The following CSMD1 variants were observed in gnomAD, a reference collection of about 807,000 sequenced individuals.
CSMD1 encodes the protein CUB and sushi domain-containing protein 1.
CSMD1 carries 213 observed loss-of-function variants against 417.5 expected under a neutral mutation model. The ratio of observed to expected loss-of-function variants is 0.51; its 90% CI spans 0.46 to 0.57. CSMD1 has a LOEUF of 0.57. Ranked by LOEUF, CSMD1 falls within the 20% of genes least tolerant of loss-of-function variation. CSMD1 has a pLI of 0.00. For synonymous variants in CSMD1, 2,862 were observed against 1,736.8 expected, an observed-to-expected ratio of 1.65 and a Z score of -16.11; for missense variants, 6,923 against 4,529.7, an observed-to-expected ratio of 1.53 and a Z score of -15.17.
At chr8:3,989,134 G>A (rs1485919150) in intron 5 of CSMD1, among the ~76,000 whole-genome samples, 12 of 152,194 alleles carry the variant, frequency 7.9e-5, no homozygotes, top group African/African-American at 2.4e-4. Context: ...GCTATGTGGG[G>A]CGGGCATTTT....
intron 3 of CSMD1, among the ~76,000 whole-genome samples, chr8:4,298,410 G>C (rs1237777783): frequency 3.9e-5 from 6 of 151,956 alleles, no homozygotes; most frequent in African/African-American, 1.5e-4. Context: ...TACCATACTA[G>C]ACACTAGACT....
chr8:3,039,705 T>A (rs1810960628), intron 50 of CSMD1, among the ~76,000 whole-genome samples: 1 of 152,118 alleles, frequency 6.6e-6, no homozygotes, highest in Non-Finnish European at 1.5e-5. Context: ...AGAAAGGCAT[T>A]TCACAGGCCT....
intron 1 of CSMD1, among the ~76,000 whole-genome samples, chr8:4,651,372 G>C (rs981215169): frequency 3.9e-5 from 6 of 152,132 alleles, no homozygotes; most frequent in African/African-American, 1.4e-4. Flanking sequence ...ATCAGCTCAA[G>C]CAGTGCATTC....
chr8:4,347,854 C>G (rs887190965), intron 3 of CSMD1, among the ~76,000 whole-genome samples: 1 of 149,218 alleles, frequency 6.7e-6, no homozygotes, highest in Admixed American at 6.6e-5. Context: ...CAAAAAAAAA[C>G]AGATCAGAGG....
chr8:4,767,075 A>C (rs1047640930), intron 1 of CSMD1, among the ~76,000 whole-genome samples: 11 of 152,200 alleles, frequency 7.2e-5, no homozygotes, highest in African/African-American at 2.7e-4. Context: ...TGTTATCTAA[A>C]GTACAAATCC....
intron 4 of CSMD1, among the ~76,000 whole-genome samples, chr8:4,007,582 G>A (rs555009718): frequency 6.6e-6 from 1 of 152,076 alleles, no homozygotes; most frequent in Non-Finnish European, 1.5e-5. Context: ...TGCGTGCTGA[G>A]TGCAAAGCAA....
chr8:4,915,820 C>G (rs1458074768), intron 1 of CSMD1, among the ~76,000 whole-genome samples: 1 of 152,220 alleles, frequency 6.6e-6, no homozygotes, highest in Non-Finnish European at 1.5e-5. Flanking sequence ...CTTGGCCACA[C>G]GGAGACCCAT....
intron 5 of CSMD1, among the ~76,000 whole-genome samples, chr8:3,923,388 T>A (rs1353260739): frequency 3.3e-5 from 5 of 152,192 alleles, no homozygotes; most frequent in Non-Finnish European, 7.4e-5. Flanking sequence ...ATTTCCTTAT[T>A]ATATCATTTG....
At chr8:4,017,192 C>G (rs1394521685) in intron 4 of CSMD1, among the ~76,000 whole-genome samples, 5 of 152,136 alleles carry the variant, frequency 3.3e-5, no homozygotes, top group Non-Finnish European at 5.9e-5. Context: ...TTCTAGATAT[C>G]TTTTTTTAAA....
intron 3 of CSMD1, among the ~76,000 whole-genome samples, chr8:4,103,242 C>G (rs114884328): frequency 7.7e-6 from 1 of 130,154 alleles, no homozygotes; most frequent in African/African-American, 2.9e-5. Flanking sequence ...TAAATCTATA[C>G]TGATGATCAG....
At chr8:4,850,909 C>G (rs991698918) in intron 1 of CSMD1, among the ~76,000 whole-genome samples, 5 of 147,620 alleles carry the variant, frequency 3.4e-5, no homozygotes, top group Non-Finnish European at 7.5e-5. Flanking sequence ...TTCCCTTGCC[C>G]CCCCACTTTT....
chr8:4,784,215 G>C (rs990069554), intron 1 of CSMD1, among the ~76,000 whole-genome samples: 1 of 152,160 alleles, frequency 6.6e-6, no homozygotes, highest in Non-Finnish European at 1.5e-5. Flanking sequence ...TGACTTGTTT[G>C]AACATTGCGG....
intron 11 of CSMD1, among the ~76,000 whole-genome samples, chr8:3,485,723 G>A (rs1563083163): frequency 2.0e-5 from 3 of 150,616 alleles, no homozygotes; most frequent in Non-Finnish European, 2.9e-5. Flanking sequence ...TTGTGCCACT[G>A]CACTACAGCC....
intron 3 of CSMD1, among the ~76,000 whole-genome samples, chr8:4,243,424 C>G (rs1206670128): frequency 6.6e-6 from 1 of 152,108 alleles, no homozygotes; most frequent in African/African-American, 2.4e-5. Flanking sequence ...CACTTTGCTC[C>G]TTGTTCCCCT....
At chr8:3,564,212 T>C (rs1418746834) in intron 10 of CSMD1, among the ~76,000 whole-genome samples, 1 of 152,198 alleles carries the variant, frequency 6.6e-6, no homozygotes, top group Non-Finnish European at 1.5e-5. Context: ...ACTATAATTT[T>C]CCTACTCTAC....
At chr8:3,897,645 A>C (rs1807454061) in intron 5 of CSMD1, among the ~76,000 whole-genome samples, 1 of 152,150 alleles carries the variant, frequency 6.6e-6, no homozygotes, top group Non-Finnish European at 1.5e-5. Context: ...AACACAAATT[A>C]TCACCATAAT....
intron 3 of CSMD1, among the ~76,000 whole-genome samples, chr8:4,224,515 T>TC (rs1683845673): frequency 1.3e-5 from 2 of 152,158 alleles, no homozygotes; most frequent in South Asian, 2.1e-4. Context: ...CTAAATGCCC[T>TC]CTTCGCCTAA....
At chr8:3,204,585 G>A (rs375127150) in intron 31 of CSMD1, among the ~76,000 whole-genome samples, 52 of 152,172 alleles carry the variant, frequency 3.4e-4, no homozygotes, top group African/African-American at 1.0e-3. Flanking sequence ...TAAGAGGCCC[G>A]GGAATCATGA....
intron 49 of CSMD1, among the ~76,000 whole-genome samples, chr8:3,074,703 C>G (rs1262342930): frequency 6.6e-6 from 1 of 152,136 alleles, no homozygotes; most frequent in Non-Finnish European, 1.5e-5. Flanking sequence ...CATAACTGGT[C>G]ATTGAAATTG....
Sources: gnomAD v4.1 joint callset for allele counts (sites outside exome capture counted in the v4.1 genomes callset) on GRCh38, gnomAD v4.1.1 for gene constraint, MANE v1.5 for transcripts, NCBI Gene and HGNC (gene_info 2026-07-23, HGNC 2026-07-21) for gene names.